Variants in FAM193A observed in about 807,000 individuals in gnomAD.
The protein encoded by FAM193A is protein FAM193A.
In FAM193A, 22 loss-of-function variants were observed where a neutral mutation model predicts 126.5. The ratio of observed to expected loss-of-function variants is 0.17; its 90% confidence interval spans 0.12 to 0.25. FAM193A has a LOEUF of 0.25. Ranked by LOEUF, FAM193A falls within the 10% of genes least tolerant of loss-of-function variation. FAM193A has a pLI of 1.00. For missense variants in FAM193A, 1,675 were observed against 1,672.8 expected (o/e 1.00, Z -0.02); for synonymous variants, 761 against 646.8 (o/e 1.18, Z -2.68).
intron 15 of FAM193A, among the ~76,000 whole-genome samples, chr4:2,692,766 G>T (rs571275831): frequency 5.2e-4 from 78 of 150,276 alleles, no homozygotes; most frequent in African/African-American, 1.7e-3. Flanking sequence ...ATGGAATATG[G>T]GTTATACCTT....
chr4:2,643,889 G>C (rs1744880967), intron 6 of FAM193A, among the ~76,000 whole-genome samples: 1 of 152,058 alleles, frequency 6.6e-6, no homozygotes. Context: ...CTTTGTTGTG[G>C]GTATCAGTAG....
chr4:2,645,814 A>G (rs544534379), intron 6 of FAM193A, among the ~76,000 whole-genome samples: 4 of 152,354 alleles, frequency 2.6e-5, no homozygotes, highest in African/African-American at 7.2e-5. Flanking sequence ...GGCGTGAGCC[A>G]CTGCACCTGA....
rs140981815 is a variant in FAM193A at position 2,659,574 on chromosome 4, C to A, written c.1406C>A (p.Ala469Glu). 769 of 1,613,318 alleles carry A rather than the reference C, an allele frequency of 4.8e-4. 5 individuals carry two copies. The highest frequency in any genetic ancestry group is 9.3e-5 in the Non-Finnish European group (110 of 1,179,308). The part of the protein sequence containing the change: ...FIEEQLTNKK[A>E]VTGENNFTDT... ...TTCCTCTAGTTAACCAATAAGAAAG[C>A]AGTTACTGGCGAGAACAACTTCACA... The change falls in exon 9 of 21, where the codon GCA becomes GAA. Residue 469 changes from alanine to glutamate, a missense_variant. This residue lies in a region of FAM193A where 1,186 missense variants were observed against 1,109.2 expected (regional missense o/e 1.07). Coordinates refer to ENST00000637812, the MANE Select transcript of FAM193A (RefSeq NM_001366318.2).
intron 1 of FAM193A, among the ~76,000 whole-genome samples, chr4:2,572,777 ATTTTTTTTT>A (rs533532132): frequency 7.4e-6 from 1 of 135,932 alleles, no homozygotes; most frequent in Non-Finnish European, 1.6e-5. Context: ...CAGAGGAGGA[ATTTTTTTTT>A]TTTTTTTTTT....
chr4:2,690,684 G>A lies in FAM193A; in HGVS notation c.2531-14G>A. ...TGCTGTCAGAAGCCTTAATTTTCCT[G>A]TTCTTCTTTGAAGGGAGTGAAATAT... On this transcript the variant is annotated splice_polypyrimidine_tract_variant and intron_variant, in intron 14 of 20. Coordinates refer to ENST00000637812, the MANE Select transcript of FAM193A (RefSeq NM_001366318.2). The A allele has an allele frequency of 6.3e-7, 1 of 1,599,236 alleles. No homozygotes were observed. Among genetic ancestry groups the A allele is most frequent in the African/African-American group, 1.4e-5 (1 of 74,010 alleles).
intron 17 of FAM193A, among the ~76,000 whole-genome samples, chr4:2,695,573 A>G (rs4690085): frequency 0.46 from 70,154 of 152,072 alleles, 16,552 homozygotes; most frequent in Admixed American, 0.6. Context: ...GGGATGGGTG[A>G]CAGGAATAGC....
intron 20 of FAM193A, among the ~76,000 whole-genome samples, chr4:2,730,573 C>T (rs1721259340): frequency 6.6e-6 from 1 of 152,002 alleles, no homozygotes; most frequent in African/African-American, 2.4e-5. Context: ...GCCTGTAGTC[C>T]CAGCTACTTG....
intron 15 of FAM193A, among the ~76,000 whole-genome samples, chr4:2,692,562 A>G (rs1482231212): frequency 2.0e-5 from 3 of 152,186 alleles, no homozygotes; most frequent in African/African-American, 7.2e-5. Context: ...ATTGCCACAA[A>G]CTCAGAAGGA....
intron 5 of FAM193A, among the ~76,000 whole-genome samples, chr4:2,639,400 A>G (rs1744389017): frequency 6.6e-6 from 1 of 152,176 alleles, no homozygotes; most frequent in Non-Finnish European, 1.5e-5. Context: ...ATTACATTTT[A>G]AAAGTATAAT....
In FAM193A at chr4:2,565,254, CTTTTTTT is replaced by C. The variant is rs71644338; in HGVS notation, c.255+28100_255+28106del. ...TGGATATACACAATGATAGAGTAGCCTTTTTTTTTTTTTTTTTTTTTTAAAAGATGCA... is the reference window on the plus strand; with the variant it reads ...TGGATATACACAATGATAGAGTAGCCTTTTTTTTTTTTTTTAAAAGATGCA... On this transcript the variant is annotated intron_variant, in intron 1 of 20. Coordinates refer to ENST00000637812, the MANE Select transcript of FAM193A (RefSeq NM_001366318.2). Among the ~76,000 whole-genome samples, 13 of 50,700 alleles carry C rather than the reference CTTTTTTT, an allele frequency of 2.6e-4. 2 individuals carry two copies. Among genetic ancestry groups the C allele is most frequent in the South Asian group, 1.3e-3 (1 of 754 alleles). 33.3% of individuals were successfully genotyped at this position (50,700 alleles called of 152,430 possible).
intron 19 of FAM193A, among the ~76,000 whole-genome samples, chr4:2,713,609 TTTCTC>T (rs1719234460): frequency 6.6e-6 from 1 of 152,202 alleles, no homozygotes; most frequent in Non-Finnish European, 1.5e-5. Context: ...TTCTTTGTGT[TTTCTC>T]TTTCCTGTCT....
chr4:2,584,926 A>G (rs1034980185), intron 1 of FAM193A, among the ~76,000 whole-genome samples: 2 of 152,152 alleles, frequency 1.3e-5, no homozygotes, highest in Admixed American at 1.3e-4. Flanking sequence ...TCTGTCTCAA[A>G]AAAAGGAAAA....
intron 13 of FAM193A, among the ~76,000 whole-genome samples, chr4:2,688,142 C>G (rs151000897): frequency 6.6e-6 from 1 of 152,144 alleles, no homozygotes; most frequent in East Asian, 1.9e-4. Flanking sequence ...CGTATGTCTG[C>G]CCAGCATTAG....
chr4:2,631,074 C>T lies in FAM193A; in HGVS notation c.943C>T (p.Pro315Ser). The stretch of plus-strand genomic sequence containing the variant: ...GAAGGCACCATCTGGCCTGCAGGGC[C>T]CGCCGCAAGCGCACCAGTTCATCTC... ...KVKAPSGLQGPPQAHQFISLL... is the reference protein window; with the variant it reads ...KVKAPSGLQGSPQAHQFISLL... The change falls in exon 5 of 21, where the codon CCG becomes TCG. Residue 315 changes from proline (P) to serine (S), a missense_variant. Pro to Ser is a moderately conservative substitution (Grantham distance 74). Around this residue, in one of 4 missense-constraint regions of FAM193A, gnomAD observed 1,186 missense variants for 1,109.2 expected, o/e 1.07. Coordinates refer to ENST00000637812, the MANE Select transcript of FAM193A (RefSeq NM_001366318.2). 1 of 1,613,804 alleles carries T rather than the reference C, an allele frequency of 6.2e-7. No individual in the cohort carries two copies. The highest frequency in any genetic ancestry group is 8.5e-7 in the Non-Finnish European group (1 of 1,180,022).
At chr4:2,606,143 T>A (rs527941758) in intron 2 of FAM193A, among the ~76,000 whole-genome samples, 61 of 135,146 alleles carry the variant, frequency 4.5e-4, no homozygotes, top group African/African-American at 1.6e-3. Flanking sequence ...CTCTGCTGCC[T>A]GGGTTCAAGT....
intron 20 of FAM193A, among the ~76,000 whole-genome samples, chr4:2,725,551 T>C (rs1720649478): frequency 6.7e-6 from 1 of 148,414 alleles, no homozygotes; most frequent in African/African-American, 2.5e-5. Context: ...AGCTGAGTAA[T>C]CCACCTGCTG....
chr4:2,621,839 C>T (rs1742561929), intron 2 of FAM193A, among the ~76,000 whole-genome samples: 1 of 152,122 alleles, frequency 6.6e-6, no homozygotes, highest in African/African-American at 2.4e-5. Context: ...AGGGAACAGC[C>T]TCTTCTACCA....
Position 2,572,328 on chromosome 4 carries a change from CA to C in FAM193A, c.256-23740del, listed in dbSNP as rs374521496. Among the ~76,000 whole-genome samples, 1,174 of 124,970 alleles carry C rather than the reference CA, an allele frequency of 9.4e-3. 16 individuals carry two copies. Among genetic ancestry groups the C allele is most frequent in the African/African-American group, 0.031 (1,022 of 33,114 alleles). The allele number at this position is 124,970 out of a possible 152,430, so 82.0% of individuals were successfully genotyped here. On this transcript the variant is annotated intron_variant, in intron 1 of 20. Transcript: ENST00000637812. ...TAGGCGACAGAGTGAGACTTCATCTCAAAAAAAAAAAAAAAAGTCCAAGGTA... is the reference window on the plus strand; with the variant it reads ...TAGGCGACAGAGTGAGACTTCATCTCAAAAAAAAAAAAAAAGTCCAAGGTA...
chr4:2,649,131 T>G (rs755483381), intron 7 of FAM193A, among the ~76,000 whole-genome samples: 2 of 152,180 alleles, frequency 1.3e-5, no homozygotes, highest in Non-Finnish European at 2.9e-5. Flanking sequence ...TTCAGCACTT[T>G]GGGAGGCTAA....
Sources: gnomAD v4.1 joint callset for allele counts (sites outside exome capture counted in the v4.1 genomes callset) on GRCh38, gnomAD v4.1.1 for gene constraint, gnomAD v4.1.1 regional missense constraint, MANE v1.5 for transcripts, NCBI Gene and HGNC (gene_info 2026-07-23, HGNC 2026-07-21) for gene names.